PCDH11X: variants seen among roughly 807,000 people sequenced by gnomAD.
PCDH11X encodes the protein protocadherin 11 X-linked, also known as protocadherin-11 X-linked.
PCDH11X carries 18 observed loss-of-function variants against 53.3 expected under a neutral mutation model. The ratio of observed to expected loss-of-function variants is 0.34; its 90% CI spans 0.23 to 0.50. The LOEUF (loss-of-function observed/expected upper bound fraction) is 0.50. Ranked by LOEUF, PCDH11X falls within the 20% of genes least tolerant of loss-of-function variation. The probability of loss-of-function intolerance (pLI) is 0.98; values close to 1 mark genes in which losing one functional copy is unlikely to be tolerated. For synonymous variants in PCDH11X, 279 were observed against 393.3 expected (o/e 0.71, Z 3.44); for missense variants, 570 against 1,032.4 (o/e 0.55, Z 6.14).
chrX:92,289,579 G>C (rs1466547859), intron 8 of PCDH11X, among the ~76,000 whole-genome samples: 2 of 111,294 alleles, frequency 1.8e-5, no homozygotes, highest in African/African-American at 3.3e-5. Context: ...TAAACTAAGG[G>C]CTGAGTACTA....
intron 6 of PCDH11X, among the ~76,000 whole-genome samples, chrX:92,129,753 G>A (rs184962881): frequency 0.02 from 2,210 of 111,255 alleles, 58 homozygotes; most frequent in African/African-American, 0.068. Context: ...TCCTTCAGGG[G>A]TAGGGAGGGC....
intron 10 of PCDH11X, among the ~76,000 whole-genome samples, chrX:92,594,279 A>T (rs1167237988): frequency 2.8e-5 from 3 of 107,031 alleles, no homozygotes; most frequent in Non-Finnish European, 3.8e-5. Context: ...ATTCTAAATT[A>T]AGCCCTTTTT....
chrX:92,583,261 G>A (rs777567161), intron 10 of PCDH11X, among the ~76,000 whole-genome samples: 44 of 105,705 alleles, frequency 4.2e-4, no homozygotes, highest in African/African-American at 1.5e-3. Flanking sequence ...CACCATGCCT[G>A]GCTAATTTTG....
intron 8 of PCDH11X, among the ~76,000 whole-genome samples, chrX:92,326,845 CT>C (rs2069348421): frequency 9.5e-6 from 1 of 104,781 alleles, no homozygotes; most frequent in Middle Eastern, 4.9e-3. Context: ...GTTAGAATCT[CT>C]TTAAAAAAGA....
intron 5 of PCDH11X, among the ~76,000 whole-genome samples, chrX:91,841,314 C>T (rs189683445): frequency 9.0e-6 from 1 of 111,303 alleles, no homozygotes; most frequent in African/African-American, 3.3e-5. Flanking sequence ...ATTAAAAATC[C>T]CACAGTATGG....
intron 6 of PCDH11X, among the ~76,000 whole-genome samples, chrX:91,886,807 T>C (rs1206534090): frequency 1.7e-4 from 18 of 107,647 alleles, no homozygotes; most frequent in Non-Finnish European, 2.5e-4. Context: ...CCGTCTCTAC[T>C]AAAAATACAA....
chrX:92,054,669 A>C (rs1442855248), intron 6 of PCDH11X, among the ~76,000 whole-genome samples: 1 of 109,628 alleles, frequency 9.1e-6, no homozygotes, highest in Non-Finnish European at 1.9e-5. Flanking sequence ...AAAAATACAA[A>C]ATTAGCTGGG....
intron 9 of PCDH11X, among the ~76,000 whole-genome samples, chrX:92,408,185 A>C (rs1293050403): frequency 9.0e-6 from 1 of 111,013 alleles, no homozygotes; most frequent in Non-Finnish European, 1.9e-5. Context: ...GCCAGCCTTA[A>C]AGTGTTTTAA....
chrX:92,101,167 T>G (rs1009003219), intron 6 of PCDH11X, among the ~76,000 whole-genome samples: 3 of 111,596 alleles, frequency 2.7e-5, no homozygotes, highest in African/African-American at 9.8e-5. Flanking sequence ...CAGTGTAAAC[T>G]GGCAGTGTAA....
At chrX:92,467,745 A>G (rs762236604) in intron 9 of PCDH11X, among the ~76,000 whole-genome samples, 9 of 111,523 alleles carry the variant, frequency 8.1e-5, no homozygotes, top group African/African-American at 2.6e-4. Context: ...AGACAATGGT[A>G]TTATAGAAAA....
At chrX:92,218,742 C>CA (rs754595189) in intron 7 of PCDH11X, among the ~76,000 whole-genome samples, 131 of 110,328 alleles carry the variant, frequency 1.2e-3, no homozygotes, top group Non-Finnish European at 1.9e-3. Context: ...GAGACACAAC[C>CA]AAAAAAAAGA....
At chrX:91,781,578 T>C (rs1242918842) in intron 1 of PCDH11X, among the ~76,000 whole-genome samples, 1 of 112,658 alleles carries the variant, frequency 8.9e-6, no homozygotes, top group African/African-American at 3.2e-5. Flanking sequence ...ACTTTTAATC[T>C]TGTTTGAAAC....
chrX:92,283,794 G>A (rs563035146), intron 8 of PCDH11X, among the ~76,000 whole-genome samples: 35 of 111,674 alleles, frequency 3.1e-4, no homozygotes, highest in African/African-American at 1.1e-3. Flanking sequence ...TACTTGAGGT[G>A]TATATCTTGG....
At chrX:92,133,175 T>C (rs1317419687) in intron 6 of PCDH11X, among the ~76,000 whole-genome samples, 2 of 111,776 alleles carry the variant, frequency 1.8e-5, no homozygotes, top group African/African-American at 3.3e-5. Flanking sequence ...CAAAAATGTC[T>C]AATGCCATTA....
intron 6 of PCDH11X, among the ~76,000 whole-genome samples, chrX:92,157,242 A>G (rs1235685916): frequency 9.0e-6 from 1 of 111,495 alleles, no homozygotes; most frequent in Non-Finnish European, 1.9e-5. Flanking sequence ...TACCTATTAG[A>G]GAGCTAAAGG....
At chrX:92,517,019 G>T (rs190839326) in intron 10 of PCDH11X, among the ~76,000 whole-genome samples, 1 of 112,196 alleles carries the variant, frequency 8.9e-6, no homozygotes, top group African/African-American at 3.2e-5. Flanking sequence ...TTGTGAGAAC[G>T]TAAGCCTGGA....
At chrX:92,374,804 A>G (rs1603293295) in intron 8 of PCDH11X, among the ~76,000 whole-genome samples, 1 of 110,478 alleles carries the variant, frequency 9.1e-6, no homozygotes, top group East Asian at 2.8e-4. Context: ...TTAAAGTGAT[A>G]ATCCATATCA....
chrX:91,850,482 C>T (rs1937945592), intron 5 of PCDH11X, among the ~76,000 whole-genome samples: 1 of 111,269 alleles, frequency 9.0e-6, no homozygotes, highest in Admixed American at 9.6e-5. Flanking sequence ...ATTATACTGG[C>T]TCTGATATAT....
chrX:92,129,024 T>A (rs1225104367), intron 6 of PCDH11X, among the ~76,000 whole-genome samples: 1 of 110,546 alleles, frequency 9.0e-6, no homozygotes, highest in Non-Finnish European at 1.9e-5. Flanking sequence ...TTATTCAGTT[T>A]TCACCTGGAA....
Sources: allele counts gnomAD v4.1 joint callset (sites outside exome capture counted in the v4.1 genomes callset), GRCh38; gene constraint gnomAD v4.1.1; transcripts MANE v1.5; gene names NCBI Gene and HGNC (gene_info 2026-07-23, HGNC 2026-07-21).